Variants in FMO1 observed in about 807,000 individuals in gnomAD.
The protein encoded by FMO1 is flavin-containing monooxygenase 1.
FMO1 carries 36 observed loss-of-function variants against 45.4 expected under a neutral mutation model. The ratio of observed to expected loss-of-function variants is 0.79; its 90% CI spans 0.61 to 1.05. The LOEUF (loss-of-function observed/expected upper bound fraction) is 1.05. FMO1 is among the 50% of genes least tolerant of loss of function. FMO1 has a pLI of 0.00. For synonymous variants in FMO1, 228 were observed against 227.2 expected (o/e 1.00, Z -0.03); for missense variants, 615 against 640.3 (o/e 0.96, Z 0.43).
At chr1:171,264,060 A>G (rs1006311748) in intron 2 of FMO1, among the ~76,000 whole-genome samples, 2 of 152,224 alleles carry the variant, frequency 1.3e-5, no homozygotes, top group East Asian at 3.8e-4. Context: ...TCTGTAAGCT[A>G]CAGTTTCTCA....
chr1:171,274,324 T>C (rs1661008514), intron 3 of FMO1, among the ~76,000 whole-genome samples: 2 of 151,334 alleles, frequency 1.3e-5, no homozygotes, highest in African/African-American at 2.4e-5. Flanking sequence ...GCAATGACAC[T>C]ATCATGGCTC....
rs1369081271 is a variant in FMO1, at chr1:171,271,359, G to A, written c.321+3628G>A. On this transcript the variant is annotated intron_variant, in intron 3 of 8. Coordinates refer to ENST00000617670, the MANE Select transcript of FMO1 (RefSeq NM_001282693.2). ...TTGTCTCCCCTTTGGGAGGGATTTAGGTTTTCACTTCTCTTTCATAATGGG... is the reference window on the plus strand; with the variant it reads ...TTGTCTCCCCTTTGGGAGGGATTTAAGTTTTCACTTCTCTTTCATAATGGG... The A allele has an allele frequency of 1.7e-5, 22 of 1,278,390 alleles. No individual in the cohort carries two copies. In the Admixed American group the frequency reaches 3.0e-4, roughly 18 times the overall value. 79.2% of individuals were successfully genotyped at this position (1,278,390 alleles called of 1,614,324 possible). A position where few individuals can be genotyped will look rare whatever the true frequency, so the allele number is the denominator to read the frequency against.
chr1:171,259,859 T>G (rs1571332451), intron 2 of FMO1, among the ~76,000 whole-genome samples: 1 of 152,020 alleles, frequency 6.6e-6, no homozygotes, highest in African/African-American at 2.4e-5. Context: ...CAAAACCCTG[T>G]GGGGGACACA....
At chr1:171,251,873 A>G (rs1659912335) in intron 1 of FMO1, 1 of 151,826 alleles carries the variant, frequency 6.6e-6, no homozygotes, top group Non-Finnish European at 1.5e-5. Flanking sequence ...GGGGTCTGCA[A>G]GGAACAGACT....
chr1:171,272,464 G>T (rs1486294748), intron 3 of FMO1, among the ~76,000 whole-genome samples: 2 of 152,156 alleles, frequency 1.3e-5, no homozygotes, highest in Non-Finnish European at 2.9e-5. Flanking sequence ...ACCCCAGAAT[G>T]TTAGATCCAC....
chr1:171,267,984 A>C (rs1660687972), intron 3 of FMO1, among the ~76,000 whole-genome samples: 2 of 152,312 alleles, frequency 1.3e-5, no homozygotes, highest in South Asian at 4.1e-4. Context: ...ATCTTAGGGA[A>C]CCTAAAAAAT....
intron 1 of FMO1, 153 bp from the exon 2 acceptor site, chr1:171,257,929 T>G: frequency 1.3e-6 from 1 of 792,578 alleles, no homozygotes; most frequent in Non-Finnish European, 2.0e-6. Context: ...CTGAACATTT[T>G]CCTTCTCACA....
At chr1:171,258,670 CT>C (rs1200502185) in intron 2 of FMO1, among the ~76,000 whole-genome samples, 1 of 152,198 alleles carries the variant, frequency 6.6e-6, no homozygotes, top group African/African-American at 2.4e-5. Flanking sequence ...AGACTCAGGG[CT>C]CTGTGTAGGA....
rs28384871 is a variant in FMO1, at chr1:171,263,063, G to A, written c.133-4480G>A. Among the ~76,000 whole-genome samples the A allele has an allele frequency of 4.0e-3, 610 of 152,304 alleles. 1 individual carries two copies. The highest frequency in any genetic ancestry group is 7.0e-3 in the Non-Finnish European group (476 of 68,014). On this transcript the variant is annotated intron_variant, in intron 2 of 8. Transcript: ENST00000617670. ...ATCACTTTATATCCGTTTTTAAAAT[G>A]AGAAAGAAAAGAACTGACCTGACAA...
At chr1:171,255,841 T>C (rs541366257) in intron 1 of FMO1, among the ~76,000 whole-genome samples, 1 of 152,328 alleles carries the variant, frequency 6.6e-6, no homozygotes, top group African/African-American at 2.4e-5. Flanking sequence ...AGACCTGCTG[T>C]CTTTATAGAG....
At chr1:171,265,507 AAATT>A (rs1272506456) in intron 2 of FMO1, among the ~76,000 whole-genome samples, 1 of 152,218 alleles carries the variant, frequency 6.6e-6, no homozygotes, top group Non-Finnish European at 1.5e-5. Flanking sequence ...AGAAATTATA[AAATT>A]AATTTCAGTA....
At chr1:171,269,639 T>C (rs1660766767) in intron 3 of FMO1, among the ~76,000 whole-genome samples, 1 of 152,206 alleles carries the variant, frequency 6.6e-6, no homozygotes, top group South Asian at 2.1e-4. Context: ...ACTGGCATCT[T>C]AAGAAAACGA....
At chr1:171,270,763 A>T in intron 3 of FMO1, 2 of 1,025,242 alleles carry the variant, frequency 2.0e-6, no homozygotes, top group Non-Finnish European at 2.5e-6. Flanking sequence ...GCTATTGAAA[A>T]CACCACCAGG....
At position 171,285,631 on chromosome 1, in the gene FMO1, T is replaced by C. The variant is rs1046858362; in HGVS notation, c.*87T>C. 2 of 803,214 alleles carry C rather than the reference T, an allele frequency of 2.5e-6. No homozygotes were observed. Among genetic ancestry groups the C allele is most frequent in the East Asian group, 2.8e-5 (1 of 35,220 alleles). 49.8% of individuals were successfully genotyped at this position (803,214 alleles called of 1,614,324 possible). A position where few individuals can be genotyped will look rare whatever the true frequency, so the allele number is the denominator to read the frequency against. On this transcript the variant is annotated 3_prime_UTR_variant, in exon 9 of 9. Transcript: ENST00000617670. ...TACAGCAATATTGCCTTCACAGTTA[T>C]AAACTGTATTCAAATAGTAAAGGCC...
Position 171,258,440 on chromosome 1 carries a change from A to G in FMO1, c.132+221A>G, listed in dbSNP as rs144551783. 4.3e-4 allele frequency among the ~76,000 whole-genome samples: 65 copies of G among 152,306 alleles called. 2 individuals are homozygous for G. The East Asian group carries it at 0.01, about 24-fold the overall frequency. On this transcript the variant is annotated intron_variant, in intron 2 of 8. Transcript: ENST00000617670. ...GACTTGTACACTTTATCTAGAGCCAAGGGGAAGAAGTGTTTCCAAAGATGC... is the reference window on the plus strand; with the variant it reads ...GACTTGTACACTTTATCTAGAGCCAGGGGGAAGAAGTGTTTCCAAAGATGC...
At chr1:171,281,764 A>C (rs1167832295) in intron 6 of FMO1, among the ~76,000 whole-genome samples, 1 of 152,178 alleles carries the variant, frequency 6.6e-6, no homozygotes, top group Non-Finnish European at 1.5e-5. Flanking sequence ...CTTCCTCTTC[A>C]GGCTTCCAAA....
At chr1:171,270,780 C>A in intron 3 of FMO1, 1 of 888,328 alleles carries the variant, frequency 1.1e-6, no homozygotes. Context: ...CAGGAGAGGG[C>A]TATCTAAAGA....
chr1:171,275,392 G>T lies in FMO1; in HGVS notation c.368G>T (p.Gly123Val). The change falls in exon 4 of 9, where the codon GGC (glycine) becomes GTC (valine). Residue 123 changes from glycine (G) to valine (V), a missense_variant. Gly to Val is a moderately radical substitution (Grantham distance 109, BLOSUM62 -3). Coordinates refer to ENST00000617670, the MANE Select transcript of FMO1 (RefSeq NM_001282693.2). ...VTKCSDSAVS[G>V]QWEVVTMHEE... is the part of the protein sequence containing the mutation. Reference sequence around the variant, plus strand: ...AAATGCTCAGATTCTGCTGTCTCTGGCCAATGGGAGGTGGTCACTATGCAT... The same window carrying T: ...AAATGCTCAGATTCTGCTGTCTCTGTCCAATGGGAGGTGGTCACTATGCAT... 6.2e-7 allele frequency: 1 copy of T among 1,613,878 alleles called. No individual in the cohort carries two copies. The highest frequency in any genetic ancestry group is 8.5e-7 in the Non-Finnish European group (1 of 1,179,830).
chr1:171,253,612 G>T (rs1485999977), intron 1 of FMO1, among the ~76,000 whole-genome samples: 4 of 152,082 alleles, frequency 2.6e-5, no homozygotes, highest in Admixed American at 6.5e-5. Context: ...AAATACAAAA[G>T]TAGCCAGACG....
Sources: gnomAD v4.1 joint callset for allele counts (sites outside exome capture counted in the v4.1 genomes callset) on GRCh38, gnomAD v4.1.1 for gene constraint, MANE v1.5 for transcripts, NCBI Gene and HGNC (gene_info 2026-07-23, HGNC 2026-07-21) for gene names.